UBR3: variants seen among roughly 807,000 people sequenced by gnomAD.
UBR3 encodes ubiquitin protein ligase E3 component n-recognin 3.
UBR3 carries 85 observed loss-of-function variants against 243.2 expected under a neutral mutation model. The observed-to-expected ratio is 0.35, with a 90% confidence interval of 0.29 to 0.42. The LOEUF is 0.42. Ranked by LOEUF, UBR3 falls within the 10% of genes least tolerant of loss-of-function variation. The pLI, the probability that UBR3 is intolerant of heterozygous loss-of-function variation, is 1.00. For missense variants in UBR3, 1,686 were observed against 2,300.8 expected, an observed-to-expected ratio of 0.73 and a Z score of 5.47; for synonymous variants, 748 against 799.8, an observed-to-expected ratio of 0.94 and a Z score of 1.09.
intron 19 of UBR3, among the ~76,000 whole-genome samples, chr2:169,939,947 T>G (rs1242435475): frequency 6.6e-6 from 1 of 152,200 alleles, no homozygotes; most frequent in Non-Finnish European, 1.5e-5. Flanking sequence ...TTCAGTGCAT[T>G]TGGTTTTCAT....
At chr2:169,959,883 A>G (rs1008547479) in intron 24 of UBR3, among the ~76,000 whole-genome samples, 16 of 152,212 alleles carry the variant, frequency 1.1e-4, no homozygotes, top group African/African-American at 2.7e-4. Flanking sequence ...TGATGCCACA[A>G]GTGGAAAGTT....
At chr2:169,953,057 A>T (rs1240885719) in intron 23 of UBR3, among the ~76,000 whole-genome samples, 1 of 152,184 alleles carries the variant, frequency 6.6e-6, no homozygotes, top group Non-Finnish European at 1.5e-5. Context: ...TTCTTGATTA[A>T]GGGAATTTTG....
intron 19 of UBR3, among the ~76,000 whole-genome samples, chr2:169,936,254 T>C (rs2086324101): frequency 6.6e-6 from 1 of 152,162 alleles, no homozygotes; most frequent in South Asian, 2.1e-4. Flanking sequence ...AGATGGGGTT[T>C]CTCCATGTTG....
chr2:169,947,700 C>A lies in UBR3; in HGVS notation c.3069C>A (p.Asn1023Lys). 1 of 1,489,718 alleles carries A rather than the reference C, an allele frequency of 6.7e-7. No individual in the cohort carries two copies. The highest frequency in any genetic ancestry group is 8.9e-7 in the Non-Finnish European group (1 of 1,120,502). The allele number at this position is 1,489,718 out of a possible 1,614,324, so 92.3% of individuals were successfully genotyped here. Residue 1023 changes from asparagine to lysine, a missense_variant, in exon 22 of 39, where the codon AAC (asparagine) becomes AAA (lysine). Transcript: ENST00000272793. The part of the protein sequence containing the change: ...RDSPASTSSD[N>K]LGSLQNSGTA... ...CACCTGCAAGTACTAGCTCTGATAA[C>A]TTGGGTTCTTTACAAGTAAGTGTAA...
Position 169,947,612 on chromosome 2 carries a change from G to C in UBR3, c.2981G>C (p.Arg994Pro). ...FPGSNLVSNM[R>P]HFINYVRVRV... ...GGCAGTAACTTAGTGTCAAACATGC[G>C]ACACTTTATAAACTATGTTAGAGTA... is the stretch of plus-strand genomic sequence containing the variant. Residue 994 changes from arginine (R) to proline (P), a missense_variant, in exon 22 of 39, where the codon CGA becomes CCA. Physicochemically the swap from Arg to Pro is moderately radical, Grantham distance 103. Around this residue, in one of 8 missense-constraint regions of UBR3, gnomAD observed 300 missense variants for 314.4 expected, o/e 0.95. Coordinates refer to ENST00000272793, the MANE Select transcript of UBR3 (RefSeq NM_172070.4). 1 of 1,535,600 alleles carries C rather than the reference G, an allele frequency of 6.5e-7. No homozygotes were observed. The highest frequency in any genetic ancestry group is 8.8e-7 in the Non-Finnish European group (1 of 1,139,124).
chr2:169,911,196 G>A (rs1305919171), intron 10 of UBR3, among the ~76,000 whole-genome samples: 1 of 152,070 alleles, frequency 6.6e-6, no homozygotes, highest in Non-Finnish European at 1.5e-5. Context: ...ATGAAGATTG[G>A]ATAAGAGGAT....
chr2:170,025,718 A>G (rs1224884643), intron 30 of UBR3, among the ~76,000 whole-genome samples: 1 of 152,128 alleles, frequency 6.6e-6, no homozygotes, highest in Non-Finnish European at 1.5e-5. Flanking sequence ...AGAGTGGTCC[A>G]GAATAGGATG....
At chr2:170,041,029 T>C in intron 32 of UBR3, 44 bp downstream of exon 32, 2 of 1,546,580 alleles carry the variant, frequency 1.3e-6, no homozygotes, top group African/African-American at 1.4e-5. Flanking sequence ...TACTATGTAT[T>C]TTGAATATTC....
intron 35 of UBR3, 168 bp from the exon 36 acceptor site, chr2:170,073,260 A>G: frequency 3.0e-6 from 2 of 662,812 alleles, no homozygotes; most frequent in Non-Finnish European, 5.1e-6. Context: ...TATAACAGCT[A>G]GGAACCTTTT....
chr2:170,047,824 G>A (rs2105437125), intron 32 of UBR3, among the ~76,000 whole-genome samples: 1 of 152,276 alleles, frequency 6.6e-6, no homozygotes, highest in Non-Finnish European at 1.5e-5. Context: ...GGGAAATGAA[G>A]TCATCCCTTT....
At chr2:170,010,369 A>G (rs1338545159) in intron 29 of UBR3, among the ~76,000 whole-genome samples, 1 of 152,218 alleles carries the variant, frequency 6.6e-6, no homozygotes, top group Admixed American at 6.5e-5. Flanking sequence ...TCACAGACCT[A>G]CACACATTTA....
chr2:169,954,211 TTG>T (rs1414151977), intron 23 of UBR3, among the ~76,000 whole-genome samples: 3 of 151,564 alleles, frequency 2.0e-5, no homozygotes, highest in South Asian at 2.1e-4. Context: ...TTGTCTTGTC[TTG>T]TCTTGTCTTG....
intron 5 of UBR3, among the ~76,000 whole-genome samples, chr2:169,880,514 A>G (rs563863844): frequency 1.3e-5 from 2 of 152,300 alleles, no homozygotes; most frequent in Admixed American, 6.5e-5. Flanking sequence ...CCAGATTAGC[A>G]TTTGAATTTC....
chr2:170,008,662 A>G (rs2089993764), intron 28 of UBR3, 142 bp from the exon 29 acceptor site: 1 of 479,950 alleles, frequency 2.1e-6, no homozygotes, highest in Non-Finnish European at 3.6e-6. Context: ...TGTACACTAA[A>G]TATATTTATA....
At chr2:169,907,243 T>G (rs2105334509) in intron 10 of UBR3, among the ~76,000 whole-genome samples, 1 of 151,980 alleles carries the variant, frequency 6.6e-6, no homozygotes. Flanking sequence ...CACCATGTTG[T>G]CCCGGTTCAA....
At chr2:169,927,008 G>T (rs1218579629) in intron 16 of UBR3, 37 bp downstream of exon 16, 1 of 1,531,170 alleles carries the variant, frequency 6.5e-7, no homozygotes, top group Admixed American at 2.0e-5. Context: ...TGCATTAACT[G>T]TTTTCCTCCC....
rs60845808 is a variant in UBR3 at position 169,836,067 on chromosome 2, ATTTTTTTTT to A, written c.545+8033_545+8041del. Among the ~76,000 whole-genome samples, 145 of 32,654 alleles carry A rather than the reference ATTTTTTTTT, an allele frequency of 4.4e-3. 1 individual carries two copies. The highest frequency in any genetic ancestry group is 0.017 in the African/African-American group (140 of 8,384). The allele number at this position is 32,654 out of a possible 152,430, so 21.4% of individuals were successfully genotyped here. A position where few individuals can be genotyped will look rare whatever the true frequency, so the allele number is the denominator to read the frequency against. On this transcript the variant is annotated intron_variant, in intron 1 of 38. Transcript: ENST00000272793. Reference sequence around the variant, plus strand: ...TCTATATATATATATATATATATATATTTTTTTTTTTTTTTTTTTTTTTTTTGAGATGGA... The same window carrying A: ...TCTATATATATATATATATATATATATTTTTTTTTTTTTTTTTGAGATGGA...
intron 24 of UBR3, among the ~76,000 whole-genome samples, chr2:169,974,859 A>G (rs1052863023): frequency 6.6e-5 from 10 of 151,956 alleles, no homozygotes; most frequent in African/African-American, 2.4e-4. Flanking sequence ...TTGTGTTTCT[A>G]TTTTCATTTG....
At chr2:169,859,677 G>A (rs1404878122) in intron 1 of UBR3, among the ~76,000 whole-genome samples, 1 of 150,560 alleles carries the variant, frequency 6.6e-6, no homozygotes, top group Non-Finnish European at 1.5e-5. Context: ...TCTCTCTGGT[G>A]TATTCTTCAT....
Sources: gnomAD v4.1 joint callset for allele counts (sites outside exome capture counted in the v4.1 genomes callset) on GRCh38, gnomAD v4.1.1 for gene constraint, gnomAD v4.1.1 regional missense constraint, MANE v1.5 for transcripts, NCBI Gene and HGNC (gene_info 2026-07-23, HGNC 2026-07-21) for gene names.